The following SAMD3 variants were observed in gnomAD, a reference collection of about 807,000 sequenced individuals.
The protein encoded by SAMD3 is sterile alpha motif domain containing 3.
In SAMD3, 63 loss-of-function variants were observed where a neutral mutation model predicts 58.5. The ratio of observed to expected loss-of-function variants is 1.08; its 90% CI spans 0.88 to 1.33. The LOEUF is 1.33. Ranked by LOEUF, SAMD3 falls within the 40% of genes most tolerant of loss-of-function variation. The probability of loss-of-function intolerance (pLI) is 0.00; values close to 1 mark genes in which losing one functional copy is unlikely to be tolerated. For synonymous variants in SAMD3, 220 were observed against 210.3 expected (o/e 1.05, Z -0.40); for missense variants, 604 against 608.4 (o/e 0.99, Z 0.08).
chr6:130,285,633 A>G (rs1312249900), intron 2 of SAMD3, among the ~76,000 whole-genome samples: 1 of 152,204 alleles, frequency 6.6e-6, no homozygotes, highest in Non-Finnish European at 1.5e-5. Context: ...AACTCACTAT[A>G]TCTATAATTC....
At chr6:130,286,700 A>T (rs1427202502) in intron 2 of SAMD3, among the ~76,000 whole-genome samples, 2 of 151,970 alleles carry the variant, frequency 1.3e-5, no homozygotes, top group Non-Finnish European at 1.5e-5. Context: ...ATTTATCCCT[A>T]GAGAAGCTCA....
intron 1 of SAMD3, among the ~76,000 whole-genome samples, chr6:130,336,941 C>A (rs1040852696): frequency 2.6e-5 from 4 of 152,146 alleles, no homozygotes; most frequent in African/African-American, 9.7e-5. Context: ...TACAATCAAG[C>A]CTTAACTAGA....
intron 1 of SAMD3, among the ~76,000 whole-genome samples, chr6:130,328,000 G>A (rs138953794): frequency 6.6e-6 from 1 of 152,272 alleles, no homozygotes. Flanking sequence ...GACCAGCCAA[G>A]AAGGCTCTAA....
intron 1 of SAMD3, among the ~76,000 whole-genome samples, chr6:130,333,061 G>A (rs973633156): frequency 8.7e-6 from 1 of 115,198 alleles, no homozygotes; most frequent in South Asian, 3.8e-4. Context: ...GTGTGTGTGT[G>A]TGTGTGTGTG....
rs375390401 is a variant in SAMD3 at position 130,144,555 on chromosome 6, C to T, written c.1528G>A (p.Glu510Lys). 16 of 1,613,952 alleles carry T rather than the reference C, an allele frequency of 9.9e-6. No homozygotes were observed. The South Asian group carries it at 1.3e-4, about 13-fold the overall frequency. ...GGGTGCTGAAATCCTACTTCGTTTT[C>T]CTTTTCTTTCAAAGAAGGAAAATAA... The part of the protein sequence containing the change: ...SPYFPSLKEK[E>K]NEVGFQHPLT Residue 510 changes from glutamate to lysine, a missense_variant, in exon 12 of 12, where the codon GAA becomes AAA. By Grantham distance (56) the Glu-to-Lys change is moderately conservative. Coordinates refer to ENST00000439090, the MANE Select transcript of SAMD3 (RefSeq NM_001017373.4).
At position 130,321,043 on chromosome 6, in the gene SAMD3, T is replaced by C. The variant is rs187008568; in HGVS notation, c.-303-7950A>G. Among the ~76,000 whole-genome samples the C allele has an allele frequency of 1.5e-3, 221 of 152,310 alleles. 3 individuals carry two copies. The highest frequency in any genetic ancestry group is 3.4e-3 in the Middle Eastern group (1 of 294). ...CCAATATCACTTTGTCTAACATAAC[T>C]CCCAATGATCTCTGCCTGCTTGTAT... is the stretch of plus-strand genomic sequence containing the variant. On this transcript the variant is annotated intron_variant, in intron 1 of 13. Transcript: ENST00000368134.
chr6:130,258,304 A>C (rs1773995695), intron 2 of SAMD3, among the ~76,000 whole-genome samples: 1 of 152,284 alleles, frequency 6.6e-6, no homozygotes, highest in Admixed American at 6.5e-5. Context: ...TAGAGAGCAC[A>C]TGGTAGCTCT....
intron 4 of SAMD3, among the ~76,000 whole-genome samples, chr6:130,214,087 T>C (rs1795813004): frequency 6.6e-6 from 1 of 152,214 alleles, no homozygotes; most frequent in Admixed American, 6.5e-5. Context: ...CACAGCATTT[T>C]ATATAGAAAC....
At chr6:130,313,246 T>C (rs1423893305) in intron 1 of SAMD3, among the ~76,000 whole-genome samples, 1 of 152,196 alleles carries the variant, frequency 6.6e-6, no homozygotes, top group Non-Finnish European at 1.5e-5. Flanking sequence ...CAGGATTTCT[T>C]AATGTTGGCA....
rs1795039532 is a variant in SAMD3, at chr6:130,205,839, C to T, written c.383+3656G>A. Among the ~76,000 whole-genome samples the T allele has an allele frequency of 5.3e-5, 8 of 152,184 alleles. No individual in the cohort carries two copies. In the South Asian group the frequency reaches 1.7e-3, roughly 31 times the overall value. ...CTCCGTGCCTGGCCTGGAATGTCAC[C>T]AGAGGCTTTCTATAGAAGGATGTTG... On this transcript the variant is annotated intron_variant, in intron 5 of 11. Transcript: ENST00000439090.
At chr6:130,211,096 G>GATGTTT (rs1795509888) in intron 4 of SAMD3, among the ~76,000 whole-genome samples, 1 of 151,746 alleles carries the variant, frequency 6.6e-6, no homozygotes. Flanking sequence ...TTCCAGCCTG[G>GATGTTT]GTGACAAAGC....
At chr6:130,303,719 A>G (rs2114978028) in intron 2 of SAMD3, among the ~76,000 whole-genome samples, 1 of 152,224 alleles carries the variant, frequency 6.6e-6, no homozygotes. Flanking sequence ...TTCCATCACC[A>G]TTCACCTAGC....
chr6:130,347,761 A>C (rs975866226), intron 1 of SAMD3, among the ~76,000 whole-genome samples: 7 of 152,164 alleles, frequency 4.6e-5, no homozygotes, highest in African/African-American at 9.7e-5. Flanking sequence ...TAGCAACTCC[A>C]AGACACATAA....
chr6:130,245,584 G>A (rs1164632740), intron 2 of SAMD3, among the ~76,000 whole-genome samples: 1 of 152,178 alleles, frequency 6.6e-6, no homozygotes, highest in African/African-American at 2.4e-5. Context: ...TCTAATAAAG[G>A]AAAACTCTCT....
intron 2 of SAMD3, among the ~76,000 whole-genome samples, chr6:130,286,932 A>G (rs1453207785): frequency 1.3e-5 from 2 of 151,488 alleles, no homozygotes; most frequent in Non-Finnish European, 2.9e-5. Context: ...CTGGTCTCAA[A>G]CTCCTGACCT....
chr6:130,236,149 T>G (rs558178420), intron 2 of SAMD3, among the ~76,000 whole-genome samples: 71 of 152,318 alleles, frequency 4.7e-4, no homozygotes, highest in African/African-American at 1.6e-3. Flanking sequence ...TGTATACAAA[T>G]TATTTAGGAA....
At chr6:130,344,503 T>G (rs1039352838) in intron 1 of SAMD3, among the ~76,000 whole-genome samples, 2 of 152,124 alleles carry the variant, frequency 1.3e-5, no homozygotes, top group African/African-American at 2.4e-5. Context: ...TGCCTCAGCC[T>G]CCTGAGCAGC....
chr6:130,212,951 A>G (rs1389713381), intron 4 of SAMD3, among the ~76,000 whole-genome samples: 2 of 152,160 alleles, frequency 1.3e-5, no homozygotes, highest in African/African-American at 2.4e-5. Context: ...CCTTTTTTAC[A>G]TAGATATGCC....
At chr6:130,363,517 T>C (rs1232712402) in intron 1 of SAMD3, among the ~76,000 whole-genome samples, 1 of 152,216 alleles carries the variant, frequency 6.6e-6, no homozygotes. Context: ...TTAATTGCAT[T>C]AAAACAAGTT....
Sources: gnomAD v4.1 joint callset for allele counts (sites outside exome capture counted in the v4.1 genomes callset) on GRCh38, gnomAD v4.1.1 for gene constraint, MANE v1.5 for transcripts, NCBI Gene and HGNC (gene_info 2026-07-23, HGNC 2026-07-21) for gene names.